NECTIN2: variants seen among roughly 807,000 people sequenced by gnomAD.
NECTIN2 encodes nectin cell adhesion molecule 2.
In NECTIN2, 23 loss-of-function variants were observed where a neutral mutation model predicts 56.9. The observed-to-expected ratio is 0.40, with a 90% CI of 0.29 to 0.57. The LOEUF is 0.57. Among genes scored for constraint, NECTIN2 ranks in the 20% least tolerant of loss-of-function variants. The pLI, the probability that NECTIN2 is intolerant of heterozygous loss-of-function variation, is 0.38. For synonymous variants in NECTIN2, 302 were observed against 313.8 expected (o/e 0.96, Z 0.40); for missense variants, 587 against 718.3 (o/e 0.82, Z 2.09).
At chr19:44,871,108 C>T (rs1969169447) in intron 2 of NECTIN2, among the ~76,000 whole-genome samples, 1 of 152,180 alleles carries the variant, frequency 6.6e-6, no homozygotes, top group Non-Finnish European at 1.5e-5. Context: ...TCAAGTGATC[C>T]ACCCTCCTCA....
intron 2 of NECTIN2, among the ~76,000 whole-genome samples, chr19:44,867,082 G>A (rs963071509): frequency 4.6e-5 from 7 of 151,652 alleles, no homozygotes; most frequent in Admixed American, 1.3e-4. Flanking sequence ...GGAGTGGCGC[G>A]ATCTCGGCTC....
intron 5 of NECTIN2, chr19:44,878,381 G>T (rs1490513133): frequency 6.4e-7 from 1 of 1,555,372 alleles, no homozygotes; most frequent in Non-Finnish European, 8.7e-7. Context: ...AGGAGGAGGA[G>T]CCAGTGGCGA....
At chr19:44,848,179 C>T (rs117871357) in intron 1 of NECTIN2, among the ~76,000 whole-genome samples, 172 of 152,294 alleles carry the variant, frequency 1.1e-3, no homozygotes, top group Non-Finnish European at 2.2e-3. Context: ...TCCCCTGCCT[C>T]TCCCTTCAGG....
chr19:44,887,030 A>G (rs1372133793), intron 8 of NECTIN2, among the ~76,000 whole-genome samples: 2 of 150,480 alleles, frequency 1.3e-5, no homozygotes, highest in Admixed American at 6.6e-5. Context: ...AAAAAAAAAA[A>G]GAGGAAAAGT....
chr19:44,882,217 C>T lies in NECTIN2; in HGVS notation c.1049C>T (p.Pro350Leu). ...GCTGTCCCTCTCCTTGCAGAGACCC[C>T]CAACACAGCAGGCGCAGGGGCCACA... ...AEQVIFVRET[P>L]NTAGAGATGG... Residue 350 changes from proline (P) to leucine (L), a missense_variant, in exon 6 of 9, where the codon CCC becomes CTC. Pro to Leu is a moderately conservative substitution (Grantham distance 98, BLOSUM62 -3). Transcript: ENST00000252483. 6.7e-7 allele frequency: 1 copy of T among 1,488,150 alleles called. No homozygotes were observed. Among genetic ancestry groups the T allele is most frequent in the Non-Finnish European group, 9.0e-7 (1 of 1,112,078 alleles). The allele number at this position is 1,488,150 out of a possible 1,614,324, so 92.2% of individuals were successfully genotyped here.
At chr19:44,872,805 T>TA (rs1486840318) in intron 3 of NECTIN2, among the ~76,000 whole-genome samples, 1,532 of 145,030 alleles carry the variant, frequency 0.011, 28 homozygotes, top group African/African-American at 0.037. Flanking sequence ...TATTTATTAT[T>TA]TATTATTATA....
intron 5 of NECTIN2, among the ~76,000 whole-genome samples, chr19:44,876,152 T>G (rs772745865): frequency 3.3e-5 from 5 of 152,166 alleles, no homozygotes; most frequent in Non-Finnish European, 7.3e-5. Flanking sequence ...TCAACAAATA[T>G]GTGTTTCCTG....
At chr19:44,855,499 G>A (rs1968955978) in intron 1 of NECTIN2, among the ~76,000 whole-genome samples, 1 of 152,074 alleles carries the variant, frequency 6.6e-6, no homozygotes, top group Non-Finnish European at 1.5e-5. Context: ...GGGCTCCAGG[G>A]ACCTGGGGCT....
intron 2 of NECTIN2, among the ~76,000 whole-genome samples, chr19:44,869,350 T>C (rs1439946071): frequency 6.6e-6 from 1 of 151,886 alleles, no homozygotes; most frequent in Non-Finnish European, 1.5e-5. Context: ...CCCAGCACTT[T>C]GGGAGGCCGA....
chr19:44,884,388 C>A (rs1969338226), intron 6 of NECTIN2, among the ~76,000 whole-genome samples: 1 of 152,134 alleles, frequency 6.6e-6, no homozygotes, highest in Non-Finnish European at 1.5e-5. Context: ...CTCCTGACCT[C>A]AGGTGATCCA....
chr19:44,865,563 C>T lies in NECTIN2; in HGVS notation c.381C>T (p.Leu127=), dbSNP rs1228401973. The T allele has an allele frequency of 1.3e-6, 2 of 1,558,780 alleles. No homozygotes were observed. The change falls in exon 2 of 9, where the codon CTC becomes CTT. Residue 127 remains leucine, a synonymous_variant. Transcript: ENST00000252483. The surrounding 1 kb of genome is among the most constrained non-coding windows in gnomAD (Gnocchi z 5.2). ...AGCTCCAGGACGCCACGCTGGCCCT[C>T]CACGGGCTCACGGTGGAGGACGAGG... ...EAELQDATLA[L]HGLTVEDEGN...
chr19:44,872,717 C>T (rs911206975), intron 3 of NECTIN2, among the ~76,000 whole-genome samples: 1 of 151,718 alleles, frequency 6.6e-6, no homozygotes, highest in East Asian at 1.9e-4. Flanking sequence ...CTTGACTTCC[C>T]TAGGTGCCAT....
intron 2 of NECTIN2, among the ~76,000 whole-genome samples, chr19:44,866,990 T>C (rs942580233): frequency 1.3e-5 from 2 of 151,670 alleles, no homozygotes; most frequent in East Asian, 2.0e-4. Context: ...CTAGGCAACA[T>C]AGTAAGACTC....
At chr19:44,878,651 C>G in intron 5 of NECTIN2, 1 of 1,558,106 alleles carries the variant, frequency 6.4e-7, no homozygotes, top group Admixed American at 1.8e-5. Flanking sequence ...GAGCCAGGCC[C>G]GGCCCTCCCG....
At chr19:44,848,732 ATC>A (rs1968866701) in intron 1 of NECTIN2, among the ~76,000 whole-genome samples, 1 of 125,720 alleles carries the variant, frequency 8.0e-6, no homozygotes, top group South Asian at 2.4e-4. Context: ...CCCCCTCTTC[ATC>A]TCTCTTCGTT....
Position 44,865,999 on chromosome 19 carries a change from C to G in NECTIN2, c.478+339C>G, listed in dbSNP as rs1416559490. ...ACCAGCCTGGCCAACATGGTGAAAC[C>G]CTGTCTCTACGAAAAATAAAAAATT... On this transcript the variant is annotated intron_variant, in intron 2 of 8. Coordinates refer to ENST00000252483, the MANE Select transcript of NECTIN2 (RefSeq NM_001042724.2). The surrounding 1 kb of genome is among the most constrained non-coding windows in gnomAD (Gnocchi z 5.2). Among the ~76,000 whole-genome samples the G allele has an allele frequency of 6.6e-6, 1 of 151,974 alleles. No homozygotes were observed. The highest frequency in any genetic ancestry group is 2.4e-5 in the African/African-American group (1 of 41,378).
intron 1 of NECTIN2, among the ~76,000 whole-genome samples, chr19:44,847,500 CAG>C (rs1289116890): frequency 6.6e-6 from 1 of 152,146 alleles, no homozygotes; most frequent in Non-Finnish European, 1.5e-5. Context: ...GAGATCCAAA[CAG>C]AAGTGCGAGC....
Position 44,879,898 on chromosome 19 carries a change from C to T in NECTIN2, c.1043-2313C>T, listed in dbSNP as rs536584932. Among the ~76,000 whole-genome samples the T allele has an allele frequency of 5.3e-5, 8 of 152,290 alleles. No individual in the cohort carries two copies. The East Asian group carries it at 1.2e-3, about 22-fold the overall frequency. On this transcript the variant is annotated intron_variant, in intron 5 of 8. Coordinates refer to ENST00000252483, the MANE Select transcript of NECTIN2 (RefSeq NM_001042724.2). ...GCTGTGGCCTGCACAGACCCAGTGC[C>T]GTCCTCCGGTGTGCACGGCCATAAT...
chr19:44,873,957 T>A lies in NECTIN2; in HGVS notation c.817T>A (p.Tyr273Asn). The A allele has an allele frequency of 1.2e-6, 2 of 1,614,136 alleles. No homozygotes were observed. Among genetic ancestry groups the A allele is most frequent in the Non-Finnish European group, 1.7e-6 (2 of 1,180,020 alleles). Reference sequence around the variant, plus strand: ...CATCTCCGGCTATGATGACAACTGGTACCTCGGCCGTACTGATGCCACCCT... The same window carrying A: ...CATCTCCGGCTATGATGACAACTGGAACCTCGGCCGTACTGATGCCACCCT... ...VSISGYDDNW[Y>N]LGRTDATLSC... The change falls in exon 4 of 9, where the codon TAC (tyrosine) becomes AAC (asparagine). Residue 273 changes from tyrosine to asparagine, a missense_variant. Physicochemically the swap from Tyr to Asn is moderately radical, Grantham distance 143. Transcript: ENST00000252483.
Sources: gnomAD v4.1 joint callset for allele counts (sites outside exome capture counted in the v4.1 genomes callset) on GRCh38, gnomAD v4.1.1 for gene constraint, Gnocchi (gnomAD v3.1) non-coding constraint, MANE v1.5 for transcripts, NCBI Gene and HGNC (gene_info 2026-07-23, HGNC 2026-07-21) for gene names.